Variants in RGS22 observed in about 807,000 individuals in gnomAD.
RGS22 encodes the protein regulator of G-protein signaling 22.
RGS22 carries 148 observed loss-of-function variants against 172.9 expected under a neutral mutation model. The ratio of observed to expected loss-of-function variants is 0.86; its 90% confidence interval spans 0.75 to 0.98. The LOEUF (loss-of-function observed/expected upper bound fraction) is 0.98. Ranked by LOEUF, RGS22 falls within the 50% of genes least tolerant of loss-of-function variation. The probability of loss-of-function intolerance (pLI) is 0.00; values close to 1 mark genes in which losing one functional copy is unlikely to be tolerated. For missense variants in RGS22, 1,347 were observed against 1,440.8 expected (o/e 0.93, Z 1.05); for synonymous variants, 458 against 480.2 (o/e 0.95, Z 0.60).
chr8:99,985,639 G>A (rs1032905924), intron 21 of RGS22, among the ~76,000 whole-genome samples: 2 of 152,132 alleles, frequency 1.3e-5, no homozygotes, highest in African/African-American at 4.8e-5. Context: ...CTTAATAAAT[G>A]TTTGTTATAT....
At chr8:100,062,819 G>A in intron 8 of RGS22, 67 bp from the exon 9 acceptor site, 1 of 1,264,920 alleles carries the variant, frequency 7.9e-7, no homozygotes, top group Non-Finnish European at 1.1e-6. Context: ...CCAAAATGTA[G>A]TTGAATATTC....
intron 10 of RGS22, chr8:100,050,995 G>A (rs1821217537): frequency 6.6e-6 from 1 of 152,134 alleles, no homozygotes; most frequent in Admixed American, 6.6e-5. Flanking sequence ...ATAAAGGAGG[G>A]CAAAGGGTAT....
At chr8:99,970,699 T>C (rs888979365) in intron 23 of RGS22, among the ~76,000 whole-genome samples, 2 of 152,134 alleles carry the variant, frequency 1.3e-5, no homozygotes, top group Non-Finnish European at 2.9e-5. Context: ...AATCCCTGAA[T>C]AGACCAATAA....
chr8:100,088,466 G>A (rs1812321532), intron 3 of RGS22, among the ~76,000 whole-genome samples: 1 of 152,014 alleles, frequency 6.6e-6, no homozygotes, highest in Non-Finnish European at 1.5e-5. Flanking sequence ...TCACACTATA[G>A]CACGGAAGAA....
intron 20 of RGS22, among the ~76,000 whole-genome samples, chr8:99,987,827 G>T (rs1813274300): frequency 6.6e-6 from 1 of 152,038 alleles, no homozygotes; most frequent in African/African-American, 2.4e-5. Context: ...ATGACTAGAT[G>T]ATTTAGACCG....
intron 4 of RGS22, among the ~76,000 whole-genome samples, chr8:100,078,202 C>T (rs192525621): frequency 6.3e-4 from 95 of 151,918 alleles, no homozygotes; most frequent in Non-Finnish European, 8.4e-4. Context: ...GGGGTGCTTA[C>T]GCCATTTAAA....
intron 15 of RGS22, among the ~76,000 whole-genome samples, 154 bp from the exon 16 acceptor site, chr8:100,006,263 T>C (rs974884918): frequency 6.6e-6 from 1 of 152,188 alleles, no homozygotes; most frequent in African/African-American, 2.4e-5. Context: ...TACAGCAGGG[T>C]CACACTTCAA....
At chr8:100,105,810 G>T in intron 1 of RGS22, 87 bp downstream of exon 1, 1 of 1,185,602 alleles carries the variant, frequency 8.4e-7, no homozygotes, top group Non-Finnish European at 1.2e-6. Context: ...ACCGCTAGGA[G>T]GGCAGGAGGT....
chr8:99,992,923 A>C (rs1588924715), intron 20 of RGS22, among the ~76,000 whole-genome samples: 1 of 152,238 alleles, frequency 6.6e-6, no homozygotes, highest in East Asian at 1.9e-4. Flanking sequence ...TGTCTCTTGG[A>C]CCACAGTGCA....
At chr8:100,072,034 A>G (rs1244405737) in intron 5 of RGS22, 111 bp downstream of exon 5, 2 of 655,638 alleles carry the variant, frequency 3.1e-6, no homozygotes, top group East Asian at 3.2e-5. Context: ...CTGACTCTAC[A>G]AAGAATTTAA....
intron 14 of RGS22, among the ~76,000 whole-genome samples, chr8:100,035,088 A>G (rs1243250090): frequency 6.6e-6 from 1 of 152,236 alleles, no homozygotes; most frequent in Non-Finnish European, 1.5e-5. Flanking sequence ...AATGGCAACA[A>G]AAGCCAAAAT....
chr8:100,072,003 C>A (rs1474288828), intron 5 of RGS22, 142 bp downstream of exon 5: 5 of 555,782 alleles, frequency 9.0e-6, no homozygotes, highest in Admixed American at 3.8e-5. Flanking sequence ...TCGAGACCAG[C>A]CTGGGCAATA....
chr8:100,000,863 G>A (rs1196674392), intron 18 of RGS22, among the ~76,000 whole-genome samples: 1 of 152,000 alleles, frequency 6.6e-6, no homozygotes, highest in Non-Finnish European at 1.5e-5. Flanking sequence ...CGCTCCCAAA[G>A]CCTTTTGCCA....
At chr8:100,058,970 G>T (rs1454674843) in intron 9 of RGS22, among the ~76,000 whole-genome samples, 1 of 152,106 alleles carries the variant, frequency 6.6e-6, no homozygotes, top group Non-Finnish European at 1.5e-5. Flanking sequence ...AGACAGTACG[G>T]TAAGATATAA....
At chr8:99,986,152 C>A (rs765845109) in intron 21 of RGS22, among the ~76,000 whole-genome samples, 1 of 152,004 alleles carries the variant, frequency 6.6e-6, no homozygotes, top group South Asian at 2.1e-4. Context: ...ATCGCTTGAG[C>A]CCAGCAGGTC....
In RGS22 at chr8:99,982,020, G is replaced by C; in HGVS notation, c.3277C>G (p.Gln1093Glu). 1 of 1,613,934 alleles carries C rather than the reference G, an allele frequency of 6.2e-7. No individual in the cohort carries two copies. Among genetic ancestry groups the C allele is most frequent in the Non-Finnish European group, 8.5e-7 (1 of 1,179,864 alleles). Reference sequence around the variant, plus strand: ...GCTTGCTCTACTGGAATGTCAATTTGTAAAGCTGGTGGAATACTGGAATTA... The same window carrying C: ...GCTTGCTCTACTGGAATGTCAATTTCTAAAGCTGGTGGAATACTGGAATTA... ...FINSSIPPAL[Q>E]IDIPVEQAQK... The change falls in exon 22 of 28, where the codon CAA becomes GAA. Residue 1093 changes from glutamine to glutamate, a missense_variant. Physicochemically the swap from Gln to Glu is conservative, Grantham distance 29. Transcript: ENST00000360863.
intron 2 of RGS22, among the ~76,000 whole-genome samples, chr8:100,101,219 T>C (rs1349118214): frequency 6.6e-6 from 1 of 152,146 alleles, no homozygotes; most frequent in Non-Finnish European, 1.5e-5. Flanking sequence ...ATTCTCACTT[T>C]AAACTTTCTG....
chr8:99,968,402 A>C (rs926287675), intron 23 of RGS22, among the ~76,000 whole-genome samples: 1 of 152,150 alleles, frequency 6.6e-6, no homozygotes, highest in African/African-American at 2.4e-5. Context: ...TGACAGAAAT[A>C]GGCTTCAGAA....
At chr8:99,968,164 C>T (rs1810952636) in intron 23 of RGS22, among the ~76,000 whole-genome samples, 1 of 152,146 alleles carries the variant, frequency 6.6e-6, no homozygotes, top group South Asian at 2.1e-4. Flanking sequence ...GTAAAACTAA[C>T]AAACAGAAAG....
Sources: gnomAD v4.1 joint callset for allele counts (sites outside exome capture counted in the v4.1 genomes callset) on GRCh38, gnomAD v4.1.1 for gene constraint, MANE v1.5 for transcripts, NCBI Gene and HGNC (gene_info 2026-07-23, HGNC 2026-07-21) for gene names.